PHEX: variants seen among roughly 807,000 people sequenced by gnomAD.
The protein encoded by PHEX is phosphate regulating endopeptidase X-linked, also known as phosphate-regulating neutral endopeptidase PHEX.
Under a neutral mutation model 68.0 loss-of-function variants are expected in PHEX, and 16 were observed. That is an observed-to-expected ratio of 0.24 (90% CI 0.16 to 0.36). The LOEUF (loss-of-function observed/expected upper bound fraction) is 0.36. PHEX is among the 10% of genes least tolerant of loss of function. The pLI is 1.00. For missense variants in PHEX, 480 were observed against 575.5 expected (o/e 0.83, Z 1.70); for synonymous variants, 208 against 205.1 (o/e 1.01, Z -0.12).
At chrX:22,239,705 G>T (rs1196425072) in intron 20 of PHEX, among the ~76,000 whole-genome samples, 1 of 111,253 alleles carries the variant, frequency 9.0e-6, no homozygotes, top group East Asian at 2.8e-4. Flanking sequence ...AGAGTTAAAA[G>T]AAATGAACAA....
Position 22,099,125 on chromosome X carries a change from T to A in PHEX, c.1053T>A (p.Phe351Leu). Residue 351 changes from phenylalanine to leucine, a missense_variant, in exon 9 of 22, where the codon TTT (phenylalanine) becomes TTA (leucine). Coordinates refer to ENST00000379374, the MANE Select transcript of PHEX (RefSeq NM_000444.6). ...TCCCGCAGTACTTTAAAGATTTGTT[T>A]AGGATATTAGGGTCTGAGAGAAAGA... ...VRVPQYFKDL[F>L]RILGSERKKT... 8.3e-7 allele frequency: 1 copy of A among 1,208,950 alleles called. No individual in the cohort carries two copies. The highest frequency in any genetic ancestry group is 1.8e-5 in the South Asian group (1 of 56,918).
intron 5 of PHEX, among the ~76,000 whole-genome samples, chrX:22,086,588 C>G (rs2285062): frequency 0.13 from 13,867 of 110,650 alleles, 775 homozygotes; most frequent in East Asian, 0.2. Flanking sequence ...GTGGCCTCAG[C>G]AACTGATTCA....
At chrX:22,203,765 G>A (rs1476839980) in intron 15 of PHEX, among the ~76,000 whole-genome samples, 2 of 111,668 alleles carry the variant, frequency 1.8e-5, no homozygotes, top group Non-Finnish European at 3.8e-5. Flanking sequence ...TAATGTATAA[G>A]GCATGTAAAG....
rs191340350 is a variant in PHEX at position 22,202,956 on chromosome X, C to A, written c.1646-9948C>A. 2.7e-5 allele frequency among the ~76,000 whole-genome samples: 3 copies of A among 111,498 alleles called. No homozygotes were observed. The Admixed American group carries it at 2.9e-4, about 11-fold the overall frequency. Reference sequence around the variant, plus strand: ...TGAATCAGAGACTCTGGGATTTGGGCCCAGCAATTTATGTTTTAACAAGGT... The same window carrying A: ...TGAATCAGAGACTCTGGGATTTGGGACCAGCAATTTATGTTTTAACAAGGT... On this transcript the variant is annotated intron_variant, in intron 15 of 21. Coordinates refer to ENST00000379374, the MANE Select transcript of PHEX (RefSeq NM_000444.6).
At chrX:22,077,384 T>A in intron 4 of PHEX, 92 bp from the exon 5 acceptor site, 2 of 787,575 alleles carry the variant, frequency 2.5e-6, no homozygotes, top group Non-Finnish European at 3.9e-6. Flanking sequence ...TGGAGCATTA[T>A]GGGAATTTTG....
At chrX:22,225,020 G>C (rs1165393752) in intron 18 of PHEX, among the ~76,000 whole-genome samples, 1 of 1,166 alleles carries the variant, frequency 8.6e-4, no homozygotes, top group Non-Finnish European at 3.3e-3. Context: ...GATCTCAGTG[G>C]ACTAAAATCA....
At position 22,093,990 on chromosome X, in the gene PHEX, A is replaced by G. The variant is rs779431331; in HGVS notation, c.740A>G (p.Asp247Gly). ...GTTCTTTATTTCTTACAGTATCGGG[A>G]TGCCCTTTACAAGTTCATGGTGGAT... ...DNSTEAKSYRDALYKFMVDTA... is the reference protein window; with the variant it reads ...DNSTEAKSYRGALYKFMVDTA... The change falls in exon 7 of 22, where the codon GAT (aspartate) becomes GGT (glycine). Residue 247 changes from aspartate to glycine, a missense_variant. By Grantham distance (94) the Asp-to-Gly change is moderately conservative. Coordinates refer to ENST00000379374, the MANE Select transcript of PHEX (RefSeq NM_000444.6). 8.6e-7 allele frequency: 1 copy of G among 1,168,253 alleles called. No homozygotes were observed. The highest frequency in any genetic ancestry group is 1.8e-5 in the South Asian group (1 of 55,996).
intron 11 of PHEX, among the ~76,000 whole-genome samples, chrX:22,132,938 G>A (rs1932076614): frequency 9.1e-6 from 1 of 110,333 alleles, no homozygotes; most frequent in Admixed American, 9.6e-5. Flanking sequence ...CCAGGCTGGA[G>A]TACAGTGGTG....
intron 15 of PHEX, among the ~76,000 whole-genome samples, chrX:22,200,908 C>T (rs1029610308): frequency 9.0e-6 from 1 of 111,250 alleles, no homozygotes; most frequent in Non-Finnish European, 1.9e-5. Flanking sequence ...CCTCTTCTAA[C>T]GATGCTGTTC....
At chrX:22,163,544 A>G (rs766096834) in intron 12 of PHEX, among the ~76,000 whole-genome samples, 7 of 111,505 alleles carry the variant, frequency 6.3e-5, no homozygotes, top group Non-Finnish European at 1.3e-4. Context: ...TTCTCTCTAC[A>G]TGTCTGTATG....
intron 12 of PHEX, among the ~76,000 whole-genome samples, chrX:22,137,912 A>G (rs1268661650): frequency 1.8e-5 from 2 of 111,715 alleles, no homozygotes; most frequent in Non-Finnish European, 3.8e-5. Flanking sequence ...GGGAATGACC[A>G]CACCTTCCTC....
intron 1 of PHEX, among the ~76,000 whole-genome samples, chrX:22,034,072 C>T (rs1409059149): frequency 1.8e-5 from 2 of 111,760 alleles, no homozygotes; most frequent in Non-Finnish European, 3.8e-5. Flanking sequence ...ACCATCTTTC[C>T]ACGCTTTCTG....
intron 13 of PHEX, 100 bp downstream of exon 13, chrX:22,168,489 C>T (rs1602354531): frequency 1.8e-6 from 1 of 551,525 alleles, no homozygotes; most frequent in Non-Finnish European, 3.2e-6. Context: ...CTGGTGATGC[C>T]AGAAAACACC....
chrX:22,143,564 T>C (rs1932555900), intron 12 of PHEX, among the ~76,000 whole-genome samples: 1 of 112,462 alleles, frequency 8.9e-6, no homozygotes, highest in South Asian at 3.7e-4. Flanking sequence ...GCAGTCACTC[T>C]CCATTCCCCA....
chrX:22,109,553 C>T (rs1280374820), intron 9 of PHEX, among the ~76,000 whole-genome samples: 1 of 111,783 alleles, frequency 8.9e-6, no homozygotes, highest in Admixed American at 9.5e-5. Context: ...GTCAGAATGT[C>T]ATACAAATGA....
At chrX:22,182,996 G>T (rs2147132249) in intron 14 of PHEX, among the ~76,000 whole-genome samples, 1 of 111,630 alleles carries the variant, frequency 9.0e-6, no homozygotes, top group Admixed American at 9.5e-5. Context: ...ATGTTGTCCA[G>T]TTTTGTACTT....
At chrX:22,238,514 C>G (rs1205649305) in intron 20 of PHEX, among the ~76,000 whole-genome samples, 3 of 111,975 alleles carry the variant, frequency 2.7e-5, no homozygotes, top group Admixed American at 9.5e-5. Context: ...CTGAGATCCA[C>G]TGGCTTGAAA....
intron 1 of PHEX, among the ~76,000 whole-genome samples, chrX:22,034,724 C>T (rs1279649580): frequency 8.9e-6 from 1 of 111,769 alleles, no homozygotes; most frequent in Non-Finnish European, 1.9e-5. Flanking sequence ...GGTCTGTGGA[C>T]CAGCAGCATT....
chrX:22,113,005 T>TTGTGTGTGTGTGTG (rs560422828), intron 10 of PHEX, among the ~76,000 whole-genome samples: 20 of 88,689 alleles, frequency 2.3e-4, no homozygotes, highest in East Asian at 1.9e-3. Flanking sequence ...CAAGTAGGTT[T>TTGTGTGTGTGTGTG]TGTGTGTGTG....
Sources: gnomAD v4.1 joint callset for allele counts (sites outside exome capture counted in the v4.1 genomes callset) on GRCh38, gnomAD v4.1.1 for gene constraint, MANE v1.5 for transcripts, NCBI Gene and HGNC (gene_info 2026-07-23, HGNC 2026-07-21) for gene names.